PLGRKT: variants seen among roughly 807,000 people sequenced by gnomAD.
The protein encoded by PLGRKT is plasminogen receptor (KT).
In PLGRKT, 22 loss-of-function variants were observed where a neutral mutation model predicts 18.5. The observed-to-expected ratio is 1.19, with a 90% CI of 0.85 to 1.70. PLGRKT has a LOEUF of 1.70. Ranked by LOEUF, PLGRKT falls within the 40% of genes most tolerant of loss-of-function variation. The pLI, the probability that PLGRKT is intolerant of heterozygous loss-of-function variation, is 0.00. For synonymous variants in PLGRKT, 72 were observed against 52.8 expected, an observed-to-expected ratio of 1.36 and a Z score of -1.58; for missense variants, 235 against 174.4, an observed-to-expected ratio of 1.35 and a Z score of -1.96.
chr9:5,427,198 G>A lies in PLGRKT; in HGVS notation c.81+4699C>T, dbSNP rs114173655. Among the ~76,000 whole-genome samples, 721 of 152,226 alleles carry A rather than the reference G, an allele frequency of 4.7e-3. 8 individuals are homozygous for A. Among genetic ancestry groups the A allele is most frequent in the African/African-American group, 0.016 (673 of 41,512 alleles). ...GACATGAATCATCCCCTTGTCTAGTGTAGCCAAGCTGTCCACACTACCTGC... is the reference window on the plus strand; with the variant it reads ...GACATGAATCATCCCCTTGTCTAGTATAGCCAAGCTGTCCACACTACCTGC... On this transcript the variant is annotated intron_variant, in intron 3 of 5. Transcript: ENST00000223864.
intron 2 of PLGRKT, among the ~76,000 whole-genome samples, chr9:5,434,478 G>A (rs1428685892): frequency 6.9e-6 from 1 of 145,910 alleles, no homozygotes; most frequent in Non-Finnish European, 1.5e-5. Flanking sequence ...GGGTGTCTCT[G>A]CCCGGCTGCC....
intron 3 of PLGRKT, among the ~76,000 whole-genome samples, chr9:5,378,689 G>C (rs189884365): frequency 2.6e-5 from 4 of 152,178 alleles, no homozygotes; most frequent in Admixed American, 2.6e-4. Context: ...AGATAGAAGA[G>C]TTAAGAATTT....
intron 5 of PLGRKT, among the ~76,000 whole-genome samples, chr9:5,360,100 T>C (rs1415639454): frequency 6.6e-6 from 1 of 152,208 alleles, no homozygotes; most frequent in African/African-American, 2.4e-5. Flanking sequence ...AGTGAAACAA[T>C]TGTTTCCTTC....
chr9:5,423,014 T>A (rs1586741932), intron 3 of PLGRKT, among the ~76,000 whole-genome samples: 1 of 152,340 alleles, frequency 6.6e-6, no homozygotes, highest in East Asian at 1.9e-4. Context: ...TTTATCATCA[T>A]GCATATATAA....
intron 3 of PLGRKT, among the ~76,000 whole-genome samples, chr9:5,404,556 C>T (rs1218156417): frequency 6.6e-6 from 1 of 152,038 alleles, no homozygotes; most frequent in Non-Finnish European, 1.5e-5. Context: ...ATGCAAAAAA[C>T]ACCTTTGATA....
chr9:5,361,834 G>T lies in PLGRKT; in HGVS notation c.136C>A (p.Gln46Lys). ...SEMRERQMAM[Q>K]IAWSREFLKY... ...AGGAATTCCCGAGACCACGCAATCT[G>T]CATGGCCATTTGTCTTTCCCTCATT... The change falls in exon 4 of 6, where the codon CAG becomes AAG. Residue 46 changes from glutamine (Q) to lysine (K), a missense_variant. Physicochemically the swap from Gln to Lys is moderately conservative, Grantham distance 53. Coordinates refer to ENST00000223864, the MANE Select transcript of PLGRKT (RefSeq NM_018465.4). The T allele has an allele frequency of 1.2e-6, 2 of 1,612,618 alleles. No individual in the cohort carries two copies. Among genetic ancestry groups the T allele is most frequent in the Middle Eastern group, 1.7e-4 (1 of 6,056 alleles).
At chr9:5,363,046 G>A (rs1281222441) in intron 3 of PLGRKT, among the ~76,000 whole-genome samples, 1 of 151,890 alleles carries the variant, frequency 6.6e-6, no homozygotes, top group Non-Finnish European at 1.5e-5. Flanking sequence ...CACATCAGCT[G>A]GAGAGGGGCA....
intron 3 of PLGRKT, among the ~76,000 whole-genome samples, chr9:5,398,395 AG>A (rs1818093295): frequency 1.3e-5 from 2 of 151,986 alleles, no homozygotes; most frequent in South Asian, 4.1e-4. Flanking sequence ...AACCGATCCA[AG>A]GAGAGAAGTT....
rs112896481 is a variant in PLGRKT, at chr9:5,427,550, T to C, written c.81+4347A>G. Among the ~76,000 whole-genome samples the C allele has an allele frequency of 9.8e-3, 1,497 of 152,350 alleles. 19 individuals carry two copies. Among genetic ancestry groups the C allele is most frequent in the African/African-American group, 0.035 (1,437 of 41,578 alleles). ...TTTTTATTAGTAATTATTGTTAATC[T>C]GTTACTGTGGCTAATTTATAAATTA... On this transcript the variant is annotated intron_variant, in intron 3 of 5. Coordinates refer to ENST00000223864, the MANE Select transcript of PLGRKT (RefSeq NM_018465.4).
At chr9:5,428,684 C>T (rs534010628) in intron 3 of PLGRKT, among the ~76,000 whole-genome samples, 1 of 152,058 alleles carries the variant, frequency 6.6e-6, no homozygotes, top group Non-Finnish European at 1.5e-5. Context: ...TCTTTTGTCT[C>T]TGTTCTTTTA....
At chr9:5,417,490 G>A (rs1818486349) in intron 3 of PLGRKT, among the ~76,000 whole-genome samples, 1 of 150,822 alleles carries the variant, frequency 6.6e-6, no homozygotes, top group Non-Finnish European at 1.5e-5. Flanking sequence ...TCTCTGATAT[G>A]ACACCAAAAA....
At chr9:5,369,441 C>T (rs1817469077) in intron 3 of PLGRKT, among the ~76,000 whole-genome samples, 1 of 152,152 alleles carries the variant, frequency 6.6e-6, no homozygotes, top group Non-Finnish European at 1.5e-5. Flanking sequence ...CAGGAAACAA[C>T]AGATGGTGGA....
chr9:5,432,015 A>G (rs767137750), intron 2 of PLGRKT, 32 bp from the exon 3 acceptor site: 2 of 899,174 alleles, frequency 2.2e-6, no homozygotes, highest in Non-Finnish European at 3.7e-6. Context: ...GAGACTTATA[A>G]TAATACACTA....
intron 3 of PLGRKT, among the ~76,000 whole-genome samples, chr9:5,399,570 G>A (rs1818117066): frequency 6.6e-6 from 1 of 151,768 alleles, no homozygotes; most frequent in Non-Finnish European, 1.5e-5. Flanking sequence ...CTATTACTTA[G>A]AAATGAATTA....
intron 3 of PLGRKT, among the ~76,000 whole-genome samples, chr9:5,384,457 G>C (rs1045975184): frequency 1.3e-5 from 2 of 152,138 alleles, no homozygotes; most frequent in Non-Finnish European, 2.9e-5. Context: ...GTTCATGCTA[G>C]ACATGGAGAG....
chr9:5,406,118 G>C (rs1818250120), intron 3 of PLGRKT, among the ~76,000 whole-genome samples: 1 of 152,170 alleles, frequency 6.6e-6, no homozygotes, highest in Non-Finnish European at 1.5e-5. Flanking sequence ...AACAGATGCT[G>C]GCAGTATTGA....
chr9:5,437,095 C>A (rs1438459844), intron 1 of PLGRKT, among the ~76,000 whole-genome samples: 1 of 152,080 alleles, frequency 6.6e-6, no homozygotes, highest in Admixed American at 6.5e-5. Context: ...CTTCTGAGAT[C>A]TTGGAAGGGG....
chr9:5,392,130 G>A (rs534452121), intron 3 of PLGRKT, among the ~76,000 whole-genome samples: 2 of 151,972 alleles, frequency 1.3e-5, no homozygotes, highest in Admixed American at 1.3e-4. Context: ...GTGCCTTTGG[G>A]TTTTTTTCCA....
intron 3 of PLGRKT, among the ~76,000 whole-genome samples, chr9:5,395,750 G>C (rs551064318): frequency 6.6e-6 from 1 of 151,534 alleles, no homozygotes; most frequent in African/African-American, 2.4e-5. Flanking sequence ...CCAAGATGTA[G>C]TTTCTTAATC....
Sources: gnomAD v4.1 joint callset for allele counts (sites outside exome capture counted in the v4.1 genomes callset) on GRCh38, gnomAD v4.1.1 for gene constraint, MANE v1.5 for transcripts, NCBI Gene and HGNC (gene_info 2026-07-23, HGNC 2026-07-21) for gene names.